Variants in GABRB1 observed in about 807,000 individuals in gnomAD.
The protein encoded by GABRB1 is gamma-aminobutyric acid type A receptor subunit beta1, also known as gamma-aminobutyric acid receptor subunit beta-1.
A neutral mutation model predicts 51.6 loss-of-function variants in GABRB1; 17 were observed. The ratio of observed to expected loss-of-function variants is 0.33; its 90% confidence interval spans 0.23 to 0.49. GABRB1 has a LOEUF of 0.49. Among genes scored for constraint, GABRB1 ranks in the 20% least tolerant of loss-of-function variants. The pLI, the probability that GABRB1 is intolerant of heterozygous loss-of-function variation, is 0.99. For missense variants in GABRB1, 410 were observed against 600.6 expected, an observed-to-expected ratio of 0.68 and a Z score of 3.32; for synonymous variants, 247 against 218.9, an observed-to-expected ratio of 1.13 and a Z score of -1.14.
At chr4:47,102,447 T>C (rs912724675) in intron 3 of GABRB1, among the ~76,000 whole-genome samples, 1 of 151,902 alleles carries the variant, frequency 6.6e-6, no homozygotes, top group African/African-American at 2.4e-5. Flanking sequence ...TAGAATGCAA[T>C]GTGAGTATAT....
chr4:47,125,392 T>C (rs929858590), intron 3 of GABRB1, among the ~76,000 whole-genome samples: 2 of 151,758 alleles, frequency 1.3e-5, no homozygotes, highest in Non-Finnish European at 2.9e-5. Flanking sequence ...CATACGAAAA[T>C]ATAAAACTCA....
intron 8 of GABRB1, among the ~76,000 whole-genome samples, chr4:47,412,326 T>C (rs1484945066): frequency 6.6e-6 from 1 of 152,190 alleles, no homozygotes. Flanking sequence ...AGAGTTGTTC[T>C]CCATTTTAGA....
At chr4:47,311,472 G>A (rs1455844332) in intron 4 of GABRB1, among the ~76,000 whole-genome samples, 1 of 121,618 alleles carries the variant, frequency 8.2e-6, no homozygotes, top group Non-Finnish European at 1.7e-5. Flanking sequence ...TGGGCCCAAT[G>A]TAATCACAAG....
At chr4:47,154,510 T>C (rs1717604899) in intron 3 of GABRB1, among the ~76,000 whole-genome samples, 1 of 152,068 alleles carries the variant, frequency 6.6e-6, no homozygotes, top group Admixed American at 6.6e-5. Context: ...CCTCCCTTTT[T>C]TCAGTTCAGG....
chr4:47,247,209 G>A (rs138643228), intron 4 of GABRB1, among the ~76,000 whole-genome samples: 1 of 151,660 alleles, frequency 6.6e-6, no homozygotes, highest in Non-Finnish European at 1.5e-5. Flanking sequence ...CTTGAGAGAC[G>A]AGGATCCAGT....
At chr4:47,307,375 T>C (rs1325923796) in intron 4 of GABRB1, among the ~76,000 whole-genome samples, 2 of 152,098 alleles carry the variant, frequency 1.3e-5, no homozygotes, top group African/African-American at 2.4e-5. Context: ...ACAGAAATCA[T>C]GTTTTATTGT....
chr4:47,181,608 T>C (rs1053397362), intron 4 of GABRB1, among the ~76,000 whole-genome samples: 2 of 151,976 alleles, frequency 1.3e-5, no homozygotes, highest in Non-Finnish European at 2.9e-5. Flanking sequence ...AGGGCAAAAA[T>C]AGTAGTGCCT....
At chr4:47,357,170 G>A (rs11737034) in intron 5 of GABRB1, among the ~76,000 whole-genome samples, 62,476 of 151,974 alleles carry the variant, frequency 0.41, 13,387 homozygotes, top group Middle Eastern at 0.47. Flanking sequence ...AAATAATGTT[G>A]TATCCTTCAC....
At chr4:46,998,460 T>C (rs1296103820) in intron 1 of GABRB1, among the ~76,000 whole-genome samples, 1 of 152,062 alleles carries the variant, frequency 6.6e-6, no homozygotes, top group Non-Finnish European at 1.5e-5. Context: ...CAGCCAGGCA[T>C]GGTAGCTCAC....
intron 1 of GABRB1, among the ~76,000 whole-genome samples, chr4:47,014,387 A>T (rs1203544286): frequency 1.3e-5 from 2 of 152,192 alleles, no homozygotes; most frequent in African/African-American, 4.8e-5. Context: ...CAATATCTAA[A>T]TCTAACACTA....
intron 4 of GABRB1, among the ~76,000 whole-genome samples, chr4:47,180,843 A>C (rs1007856827): frequency 6.6e-6 from 1 of 152,084 alleles, no homozygotes; most frequent in African/African-American, 2.4e-5. Flanking sequence ...ACTTTCTAAG[A>C]TATTTTTACA....
chr4:47,196,685 A>G (rs1719698394), intron 4 of GABRB1, among the ~76,000 whole-genome samples: 1 of 152,238 alleles, frequency 6.6e-6, no homozygotes. Context: ...TAGAGTTCTA[A>G]GAAAATGCAT....
intron 4 of GABRB1, among the ~76,000 whole-genome samples, chr4:47,274,323 A>T (rs1037701799): frequency 7.9e-5 from 12 of 152,206 alleles, no homozygotes; most frequent in Non-Finnish European, 1.6e-4. Context: ...AATGAATGTT[A>T]GCTGCATTTA....
At chr4:47,057,531 G>T (rs1726665549) in intron 3 of GABRB1, among the ~76,000 whole-genome samples, 4 of 152,274 alleles carry the variant, frequency 2.6e-5, no homozygotes, top group Admixed American at 2.0e-4. Flanking sequence ...CTTTACACAG[G>T]AACAAATTGG....
rs1438488551 is a variant in GABRB1 at position 47,193,379 on chromosome 4, T to C, written c.461+31910T>C. Among the ~76,000 whole-genome samples, 3 of 152,170 alleles carry C rather than the reference T, an allele frequency of 2.0e-5. No homozygotes were observed. In the East Asian group the frequency reaches 5.8e-4, roughly 29 times the overall value. On this transcript the variant is annotated intron_variant, in intron 4 of 8. Transcript: ENST00000295454. ...TCAGGTGAATCCGCCTGCCTGGGCC[T>C]CCTAAAGTGGAATTACAGGCGTGAG...
At chr4:47,325,582 A>G (rs1405686143) in intron 5 of GABRB1, among the ~76,000 whole-genome samples, 6 of 152,080 alleles carry the variant, frequency 3.9e-5, no homozygotes, top group Non-Finnish European at 7.3e-5. Flanking sequence ...CCTCTTGCTT[A>G]CTGTATACAT....
chr4:47,132,423 TTTGG>T (rs761782128), intron 3 of GABRB1, among the ~76,000 whole-genome samples: 1 of 151,632 alleles, frequency 6.6e-6, no homozygotes, highest in Non-Finnish European at 1.5e-5. Context: ...TTTGGTTTGG[TTTGG>T]TTTGGTTTGG....
intron 3 of GABRB1, among the ~76,000 whole-genome samples, chr4:47,074,664 G>T (rs1225213666): frequency 6.6e-6 from 1 of 152,108 alleles, no homozygotes; most frequent in Non-Finnish European, 1.5e-5. Flanking sequence ...ATGCTAAAAG[G>T]GTTCAGAGGC....
At chr4:47,068,814 G>A (rs1483068887) in intron 3 of GABRB1, among the ~76,000 whole-genome samples, 1 of 152,092 alleles carries the variant, frequency 6.6e-6, no homozygotes, top group Non-Finnish European at 1.5e-5. Flanking sequence ...GTGAGCACAT[G>A]CTGTTTAAAA....
Sources: gnomAD v4.1 joint callset for allele counts (sites outside exome capture counted in the v4.1 genomes callset) on GRCh38, gnomAD v4.1.1 for gene constraint, MANE v1.5 for transcripts, NCBI Gene and HGNC (gene_info 2026-07-23, HGNC 2026-07-21) for gene names.